The following RPS19 variants were observed in gnomAD, a reference collection of about 807,000 sequenced individuals.
RPS19 encodes small ribosomal subunit protein eS19.
In RPS19, 1 loss-of-function variant was observed where a neutral mutation model predicts 20.3. The observed-to-expected ratio is 0.05, with a 90% CI of 0.02 to 0.23. RPS19 has a LOEUF of 0.23. Among genes scored for constraint, RPS19 ranks in the 10% least tolerant of loss-of-function variants. RPS19 has a pLI of 1.00. For synonymous variants in RPS19, 87 were observed against 74.8 expected, an observed-to-expected ratio of 1.16 and a Z score of -0.84; for missense variants, 111 against 192.7, an observed-to-expected ratio of 0.58 and a Z score of 2.51.
Position 41,872,651 on chromosome 19 carries a change from AC to A in RPS19, c.*1275del, listed in dbSNP as rs1307942857. 1.3e-5 allele frequency: 2 copies of A among 152,190 alleles called. No individual in the cohort carries two copies. Among genetic ancestry groups the A allele is most frequent in the Non-Finnish European group, 2.9e-5 (2 of 68,066 alleles). The allele number at this position is 152,190 out of a possible 1,614,324, so 9.4% of individuals were successfully genotyped here. ...AGTGGCTCACACCTGTAATCTCAAC[AC>A]TTTGGGAGGCCGAGACGGGCTGATC... On this transcript the variant is annotated 3_prime_UTR_variant, in exon 6 of 6. Coordinates refer to ENST00000598742, the MANE Select transcript of RPS19 (RefSeq NM_001022.4).
chr19:41,864,127 T>A (rs1053469220), intron 3 of RPS19: 3 of 152,144 alleles, frequency 2.0e-5, no homozygotes, highest in African/African-American at 7.2e-5. Flanking sequence ...AGGCATGAGC[T>A]CCCGCACCCA....
In RPS19 at chr19:41,872,331, C is replaced by T. The variant is rs1205499457; in HGVS notation, c.*954C>T. The T allele has an allele frequency of 6.6e-6, 1 of 152,276 alleles. No homozygotes were observed. Among genetic ancestry groups the T allele is most frequent in the South Asian group, 2.1e-4 (1 of 4,836 alleles). 9.4% of individuals were successfully genotyped at this position (152,276 alleles called of 1,614,324 possible). A position where few individuals can be genotyped will look rare whatever the true frequency, so the allele number is the denominator to read the frequency against. ...CTAAACTGGTTTGGCCAATATCTCC[C>T]AGGATTCCCCTGTCCAAATTATTCC... On this transcript the variant is annotated 3_prime_UTR_variant, in exon 6 of 6. Coordinates refer to ENST00000598742, the MANE Select transcript of RPS19 (RefSeq NM_001022.4).
In RPS19 at chr19:41,871,495, C is replaced by T; in HGVS notation, c.*118C>T. 3.6e-6 allele frequency: 3 copies of T among 843,674 alleles called. No individual in the cohort carries two copies. Among genetic ancestry groups the T allele is most frequent in the Non-Finnish European group, 6.0e-6 (3 of 498,978 alleles). 52.3% of individuals were successfully genotyped at this position (843,674 alleles called of 1,614,324 possible). ...GCAGTGGCGCCATCTCAGCTCACTG[C>T]AATCTCCGCCTTCTGGGTTCAAATG... On this transcript the variant is annotated 3_prime_UTR_variant, in exon 6 of 6. Transcript: ENST00000598742.
chr19:41,869,348 G>A (rs1258758172), intron 4 of RPS19, 134 bp downstream of exon 4: 2 of 859,210 alleles, frequency 2.3e-6, no homozygotes, highest in Non-Finnish European at 3.6e-6. Flanking sequence ...AGGGGATTCT[G>A]CAGAAAAGCA....
chr19:41,871,365 C>T lies in RPS19; in HGVS notation c.426C>T (p.Asn142=), dbSNP rs782104775. 4.3e-6 allele frequency: 7 copies of T among 1,613,916 alleles called. No individual in the cohort carries two copies. In the African/African-American group the frequency reaches 9.3e-5, roughly 22 times the overall value. ...TTTTCCCACAGGTGGCAGCTGCCAA[C>T]AAGAAGCATTAGAACAAACCATGCT... ...DRIAGQVAAA[N]KKH is the part of the protein sequence containing the mutation. Residue 142 remains asparagine, a synonymous_variant, in exon 6 of 6, where the codon AAC becomes AAT. Coordinates refer to ENST00000598742, the MANE Select transcript of RPS19 (RefSeq NM_001022.4).
At position 41,871,367 on chromosome 19, in the gene RPS19, A is replaced by G. The variant is rs1555841997; in HGVS notation, c.428A>G (p.Lys143Arg). The change falls in exon 6 of 6, where the codon AAG becomes AGG. Residue 143 changes from lysine to arginine, a missense_variant. Lys to Arg is a conservative substitution (Grantham distance 26). Transcript: ENST00000598742. ...TTCCCACAGGTGGCAGCTGCCAACAAGAAGCATTAGAACAAACCATGCTGG... is the reference window on the plus strand; with the variant it reads ...TTCCCACAGGTGGCAGCTGCCAACAGGAAGCATTAGAACAAACCATGCTGG... The part of the protein sequence containing the change: ...RIAGQVAAAN[K>R]KH The G allele has an allele frequency of 1.9e-6, 3 of 1,613,982 alleles. No homozygotes were observed. In the South Asian group the frequency reaches 3.3e-5, roughly 18 times the overall value.
chr19:41,865,807 G>A (rs1555840323), intron 3 of RPS19, among the ~76,000 whole-genome samples: 2 of 151,256 alleles, frequency 1.3e-5, no homozygotes, highest in East Asian at 3.9e-4. Context: ...AAATTAGCCG[G>A]GCGTGGTGGC....
rs1193860158 is a variant in RPS19 at position 41,872,412 on chromosome 19, A to G, written c.*1035A>G. On this transcript the variant is annotated 3_prime_UTR_variant, in exon 6 of 6. Transcript: ENST00000598742. ...GAGCCTGGGTTTTGAAGTTCAAACT[A>G]GAGTTTAAATCACAACTCTGCCCCT... 6.6e-6 allele frequency: 1 copy of G among 152,276 alleles called. No individual in the cohort carries two copies. Among genetic ancestry groups the G allele is most frequent in the Non-Finnish European group, 1.5e-5 (1 of 68,054 alleles). The allele number at this position is 152,276 out of a possible 1,614,324, so 9.4% of individuals were successfully genotyped here.
chr19:41,868,996 A>G (rs1164111388), intron 3 of RPS19, 35 bp from the exon 4 acceptor site: 1 of 1,606,550 alleles, frequency 6.2e-7, no homozygotes, highest in East Asian at 2.2e-5. Flanking sequence ...GACCTTGATC[A>G]AGACCCTTAA....
intron 4 of RPS19, 132 bp from the exon 5 acceptor site, chr19:41,869,567 G>C (rs2074124550): frequency 1.1e-6 from 1 of 930,118 alleles, no homozygotes; most frequent in East Asian, 2.5e-5. Flanking sequence ...GAATGCACCT[G>C]ACTAGGGCCC....
At chr19:41,860,463 A>C in intron 1 of RPS19, 174 bp downstream of exon 1, 7 of 415,134 alleles carry the variant, frequency 1.7e-5, no homozygotes, top group Non-Finnish European at 2.3e-5. Context: ...CCGTCCGGGA[A>C]CCGAGCGTGG....
intron 3 of RPS19, chr19:41,861,626 C>G: frequency 3.2e-6 from 1 of 310,580 alleles, no homozygotes; most frequent in Middle Eastern, 1.2e-3. Flanking sequence ...TGTACCAGTA[C>G]TAGAGTATTG....
chr19:41,871,746 G>A lies in RPS19; in HGVS notation c.*369G>A, dbSNP rs1357589902. On this transcript the variant is annotated 3_prime_UTR_variant, in exon 6 of 6. Coordinates refer to ENST00000598742, the MANE Select transcript of RPS19 (RefSeq NM_001022.4). ...TCTGGGTTTGGAGGAAGGACCCAGG[G>A]GCCCTTGTGGCTCACTCCCCCACAT... 2.4e-5 allele frequency: 7 copies of A among 287,998 alleles called. No individual in the cohort carries two copies. The highest frequency in any genetic ancestry group is 4.7e-5 in the Non-Finnish European group (7 of 148,738). 17.8% of individuals were successfully genotyped at this position (287,998 alleles called of 1,614,324 possible). A position where few individuals can be genotyped will look rare whatever the true frequency, so the allele number is the denominator to read the frequency against.
intron 1 of RPS19, 136 bp from the exon 2 acceptor site, chr19:41,860,639 G>T: frequency 1.3e-6 from 1 of 793,674 alleles, no homozygotes; most frequent in Non-Finnish European, 2.3e-6. Flanking sequence ...GGAGCCCGGC[G>T]TTGAAGGGGC....
At chr19:41,867,205 A>G (rs571721435) in intron 3 of RPS19, among the ~76,000 whole-genome samples, 3 of 151,488 alleles carry the variant, frequency 2.0e-5, no homozygotes, top group Non-Finnish European at 4.4e-5. Context: ...CAGGAGGTCA[A>G]AGCTGCAGTG....
At chr19:41,866,258 A>T (rs1179458866) in intron 3 of RPS19, among the ~76,000 whole-genome samples, 1 of 152,190 alleles carries the variant, frequency 6.6e-6, no homozygotes, top group Non-Finnish European at 1.5e-5. Flanking sequence ...GTCTCAAAAA[A>T]AAAATAAAGC....
chr19:41,867,431 C>T (rs2123280133), intron 3 of RPS19, among the ~76,000 whole-genome samples: 1 of 152,250 alleles, frequency 6.6e-6, no homozygotes, highest in South Asian at 2.1e-4. Context: ...GCCTCAGCCT[C>T]CCAGGTAGCT....
At chr19:41,865,976 G>A (rs1205995114) in intron 3 of RPS19, among the ~76,000 whole-genome samples, 14 of 112,704 alleles carry the variant, frequency 1.2e-4, no homozygotes, top group South Asian at 8.9e-4. Context: ...AAAAAAGGCC[G>A]GGCGCGGTGG....
chr19:41,868,958 G>A, intron 3 of RPS19, 73 bp from the exon 4 acceptor site: 2 of 1,465,798 alleles, frequency 1.4e-6, no homozygotes, highest in Non-Finnish European at 1.9e-6. Flanking sequence ...AGAATTAGCT[G>A]TTTACACACA....
Sources: gnomAD v4.1 joint callset for allele counts (sites outside exome capture counted in the v4.1 genomes callset) on GRCh38, gnomAD v4.1.1 for gene constraint, MANE v1.5 for transcripts, NCBI Gene and HGNC (gene_info 2026-07-23, HGNC 2026-07-21) for gene names.